RACGAP1: variants seen among roughly 807,000 people sequenced by gnomAD.
The protein encoded by RACGAP1 is Rac GTPase activating protein 1.
A neutral mutation model predicts 78.1 loss-of-function variants in RACGAP1; 30 were observed. The ratio of observed to expected loss-of-function variants is 0.38; its 90% CI spans 0.29 to 0.52. The LOEUF is 0.52. RACGAP1 is among the 20% of genes least tolerant of loss of function. RACGAP1 has a pLI of 0.82. For synonymous variants in RACGAP1, 231 were observed against 264.8 expected (o/e 0.87, Z 1.24); for missense variants, 587 against 777.1 (o/e 0.76, Z 2.91).
chr12:50,029,165 G>A (rs569376522), upstream of RACGAP1, among the ~76,000 whole-genome samples: 3 of 149,508 alleles, frequency 2.0e-5, no homozygotes, highest in Non-Finnish European at 4.4e-5. Flanking sequence ...GCAGTGACCC[G>A]AGATCGCGCC....
Position 49,990,057 on chromosome 12 carries a change from T to C in RACGAP1, c.*211A>G. The C allele has an allele frequency of 4.5e-6, 2 of 445,252 alleles. No individual in the cohort carries two copies. The allele number at this position is 445,252 out of a possible 1,614,324, so 27.6% of individuals were successfully genotyped here. A position where few individuals can be genotyped will look rare whatever the true frequency, so the allele number is the denominator to read the frequency against. ...TGTCTCATCTAAAAGCTCCCAACAA[T>C]GACCAGCACAAAGTGCTGATATTAT... is the stretch of plus-strand genomic sequence containing the variant. On this transcript the variant is annotated 3_prime_UTR_variant, in exon 17 of 17. Transcript: ENST00000312377.
At position 49,996,825 on chromosome 12, in the gene RACGAP1, G is replaced by C. The variant is rs1948322449; in HGVS notation, c.1044+215C>G. 2.0e-5 allele frequency among the ~76,000 whole-genome samples: 3 copies of C among 151,574 alleles called. No homozygotes were observed. In the South Asian group the frequency reaches 6.2e-4, roughly 32 times the overall value. On this transcript the variant is annotated intron_variant, in intron 10 of 16. Transcript: ENST00000312377. ...AAGGAGAAGCAGGGAAGAGCAAGAAGGAAAAAGGGGCGGGGAAAGAAGTTT... is the reference window on the plus strand; with the variant it reads ...AAGGAGAAGCAGGGAAGAGCAAGAACGAAAAAGGGGCGGGGAAAGAAGTTT...
rs751990425 is a variant in RACGAP1, at chr12:49,992,260, G to C, written c.1563C>G (p.Ile521Met). 1.2e-6 allele frequency: 2 copies of C among 1,614,024 alleles called. No homozygotes were observed. The highest frequency in any genetic ancestry group is 4.5e-5 in the East Asian group (2 of 44,894). Residue 521 changes from isoleucine (I) to methionine (M), a missense_variant, in exon 14 of 17, where the codon ATC becomes ATG. Coordinates refer to ENST00000312377, the MANE Select transcript of RACGAP1 (RefSeq NM_001319999.2). ...NPDPVTMLQD[I>M]KRQPKVVERL... Reference sequence around the variant, plus strand: ...ACCTGCCTACCTTGGGTTGACGCTTGATGTCCTGTAACATTGTCACTGGGT... The same window carrying C: ...ACCTGCCTACCTTGGGTTGACGCTTCATGTCCTGTAACATTGTCACTGGGT...
Position 50,006,647 on chromosome 12 carries a change from G to A in RACGAP1, c.86-11C>T, listed in dbSNP as rs766583890. On this transcript the variant is annotated splice_polypyrimidine_tract_variant and intron_variant, in intron 2 of 16. Coordinates refer to ENST00000312377, the MANE Select transcript of RACGAP1 (RefSeq NM_001319999.2). ...CCAACTGGATAAATTCTGAGGAAAGGGGGAATCTTTAATAATTCAAGCACC... is the reference window on the plus strand; with the variant it reads ...CCAACTGGATAAATTCTGAGGAAAGAGGGAATCTTTAATAATTCAAGCACC... The A allele has an allele frequency of 4.3e-5, 69 of 1,612,166 alleles. No homozygotes were observed. The Admixed American group carries it at 6.5e-4, about 15-fold the overall frequency.
Position 49,990,789 on chromosome 12 carries a change from C to T in RACGAP1, c.1718G>A (p.Ser573Asn). The change falls in exon 16 of 17, where the codon AGT becomes AAT. Residue 573 changes from serine (S) to asparagine (N), a missense_variant. Transcript: ENST00000312377. Reference sequence around the variant, plus strand: ...AGGAGTGGTCACAGGTCCCAGTAAACTCACTTCAAAGTTCAGACATATTTT... The same window carrying T: ...AGGAGTGGTCACAGGTCCCAGTAAATTCACTTCAAAGTTCAGACATATTTT... ...STPQTPDIKV[S>N]LLGPVTTPEH... 1 of 1,610,578 alleles carries T rather than the reference C, an allele frequency of 6.2e-7. No individual in the cohort carries two copies. Among genetic ancestry groups the T allele is most frequent in the Non-Finnish European group, 8.5e-7 (1 of 1,177,720 alleles).
chr12:50,014,140 G>A (rs1235103919), intron 2 of RACGAP1, among the ~76,000 whole-genome samples: 2 of 152,104 alleles, frequency 1.3e-5, no homozygotes, highest in Admixed American at 1.3e-4. Flanking sequence ...CCACAAGTAA[G>A]TACTATAGAA....
At chr12:50,010,363 G>A (rs752630371) in intron 2 of RACGAP1, among the ~76,000 whole-genome samples, 3 of 143,076 alleles carry the variant, frequency 2.1e-5, no homozygotes, top group Non-Finnish European at 4.5e-5. Context: ...TCACTCTGTT[G>A]CCCAGGCTGT....
At chr12:50,032,109 G>A (rs1950341110) in intron 1 of RACGAP1, among the ~76,000 whole-genome samples, 1 of 152,044 alleles carries the variant, frequency 6.6e-6, no homozygotes, top group African/African-American at 2.4e-5. Flanking sequence ...TTGTGTCACA[G>A]CACTCCAGCC....
At chr12:50,032,832 TTA>T (rs2137782087) in intron 1 of RACGAP1, 1 of 152,398 alleles carries the variant, frequency 6.6e-6, no homozygotes, top group Non-Finnish European at 1.5e-5. Flanking sequence ...AACGCGCCTG[TTA>T]TCCCGCGCGG....
rs148210097 is a variant in RACGAP1 at position 50,006,430 on chromosome 12, A to G, written c.288+4T>C. The G allele has an allele frequency of 8.3e-5, 134 of 1,613,876 alleles. No individual in the cohort carries two copies. Among genetic ancestry groups the G allele is most frequent in the Non-Finnish European group, 1.0e-4 (120 of 1,179,926 alleles). ...ACTGTTCTAGCACGGAAAACAATAC[A>G]CACCAGCTTTTCGCAGTCAGCCTCA... On this transcript the variant is annotated splice_donor_region_variant and intron_variant, in intron 3 of 16. Transcript: ENST00000312377.
chr12:49,990,180 T>C lies in RACGAP1; in HGVS notation c.*88A>G, dbSNP rs1947736078. ...AAAGCCTGGAGAATGCTAAAAGTAG[T>C]AATGAGTACAGGAGGCTGCAGAGCA... is the stretch of plus-strand genomic sequence containing the variant. On this transcript the variant is annotated 3_prime_UTR_variant, in exon 17 of 17. Transcript: ENST00000312377. The C allele has an allele frequency of 3.7e-6, 4 of 1,078,276 alleles. No individual in the cohort carries two copies. Among genetic ancestry groups the C allele is most frequent in the Admixed American group, 3.9e-5 (2 of 50,916 alleles). 66.8% of individuals were successfully genotyped at this position (1,078,276 alleles called of 1,614,324 possible).
At chr12:49,990,599 A>T in intron 16 of RACGAP1, 85 bp downstream of exon 16, 2 of 1,152,854 alleles carry the variant, frequency 1.7e-6, no homozygotes, top group Non-Finnish European at 2.5e-6. Flanking sequence ...ATCGAATGCA[A>T]TTTTTCTTTC....
chr12:49,993,397 A>C (rs144771820), intron 12 of RACGAP1, among the ~76,000 whole-genome samples: 2 of 152,326 alleles, frequency 1.3e-5, no homozygotes, highest in Non-Finnish European at 2.9e-5. Flanking sequence ...AGAAAGCAAG[A>C]GGATAGGCAA....
intron 2 of RACGAP1, among the ~76,000 whole-genome samples, chr12:50,030,794 G>A (rs926911444): frequency 6.6e-6 from 1 of 151,938 alleles, no homozygotes; most frequent in South Asian, 2.1e-4. Context: ...GTGTGTGTGT[G>A]TGTGAGACGG....
upstream of RACGAP1, among the ~76,000 whole-genome samples, chr12:50,028,292 T>G (rs895189068): frequency 6.6e-6 from 1 of 152,164 alleles, no homozygotes; most frequent in African/African-American, 2.4e-5. Context: ...GAGTGTAGAA[T>G]GCCTCAGCTT....
chr12:50,003,517 C>T (rs76153634), intron 5 of RACGAP1, among the ~76,000 whole-genome samples: 1 of 152,198 alleles, frequency 6.6e-6, no homozygotes, highest in East Asian at 1.9e-4. Context: ...ATAGTTGTCA[C>T]CTGTTTTGCT....
rs1302503193 is a variant in RACGAP1, at chr12:49,999,691, T to C, written c.673A>G (p.Asn225Asp). 1.2e-6 allele frequency: 2 copies of C among 1,614,122 alleles called. No individual in the cohort carries two copies. Among genetic ancestry groups the C allele is most frequent in the East Asian group, 2.2e-5 (1 of 44,908 alleles). The change falls in exon 8 of 17, where the codon AAT (asparagine) becomes GAT (aspartate). Residue 225 changes from asparagine to aspartate, a missense_variant. Physicochemically the swap from Asn to Asp is conservative, Grantham distance 23. Transcript: ENST00000312377. ...ACAGCTTCGATGGGCCCGCCATCATTGGGAACAGTCACTGTAGTTTTTGCA... is the reference window on the plus strand; with the variant it reads ...ACAGCTTCGATGGGCCCGCCATCATCGGGAACAGTCACTGTAGTTTTTGCA... ...IVAKTTVTVP[N>D]DGGPIEAVST...
At chr12:50,021,663 G>C (rs1167565266) in intron 1 of RACGAP1, among the ~76,000 whole-genome samples, 3 of 152,046 alleles carry the variant, frequency 2.0e-5, no homozygotes, top group African/African-American at 7.2e-5. Context: ...ATGCATCAAG[G>C]GTGTTAAATA....
chr12:50,025,519 T>C (rs1296628503), upstream of RACGAP1: 2 of 985,314 alleles, frequency 2.0e-6, no homozygotes, highest in Non-Finnish European at 2.4e-6. Context: ...CACAGAGAAA[T>C]TTATTCCTCC....
Sources: allele counts gnomAD v4.1 joint callset (sites outside exome capture counted in the v4.1 genomes callset), GRCh38; gene constraint gnomAD v4.1.1; transcripts MANE v1.5; gene names NCBI Gene and HGNC (gene_info 2026-07-23, HGNC 2026-07-21).